Variants in TBCK observed in about 807,000 individuals in gnomAD.
TBCK encodes the protein TBC1 domain containing kinase.
In TBCK, 99 loss-of-function variants were observed where a neutral mutation model predicts 113.4. The ratio of observed to expected loss-of-function variants is 0.87; its 90% CI spans 0.74 to 1.03. TBCK has a LOEUF of 1.03. Ranked by LOEUF, TBCK falls within the 50% of genes least tolerant of loss-of-function variation. The probability of loss-of-function intolerance (pLI) is 0.00; values close to 1 mark genes in which losing one functional copy is unlikely to be tolerated. For synonymous variants in TBCK, 369 were observed against 370.8 expected (o/e 1.00, Z 0.05); for missense variants, 1,045 against 1,061.3 (o/e 0.98, Z 0.21).
chr4:106,219,565 C>G (rs1039010768), intron 19 of TBCK, among the ~76,000 whole-genome samples: 1 of 151,770 alleles, frequency 6.6e-6, no homozygotes, highest in Admixed American at 6.6e-5. Flanking sequence ...TTTCATTCTT[C>G]CAAAGTTACT....
At chr4:106,300,727 T>C (rs1766850478) in intron 2 of TBCK, among the ~76,000 whole-genome samples, 1 of 152,150 alleles carries the variant, frequency 6.6e-6, no homozygotes, top group East Asian at 1.9e-4. Context: ...ATGAGTAAAG[T>C]CTATAATCAG....
intron 23 of TBCK, among the ~76,000 whole-genome samples, chr4:106,132,068 T>C (rs1746007201): frequency 1.3e-5 from 2 of 152,098 alleles, no homozygotes; most frequent in Non-Finnish European, 1.5e-5. Flanking sequence ...GTTGGCAATG[T>C]GATAAAAGAA....
rs1767130105 is a variant in TBCK, at chr4:106,303,186, A to T, written c.193+5582T>A. On this transcript the variant is annotated intron_variant, in intron 2 of 25. Transcript: ENST00000394708. ...CTGACTGTGGGTCTCCTAATTGGTAAATATATGACATGGTGCAACACTAGG... is the reference window on the plus strand; with the variant it reads ...CTGACTGTGGGTCTCCTAATTGGTATATATATGACATGGTGCAACACTAGG... 2.0e-5 allele frequency among the ~76,000 whole-genome samples: 3 copies of T among 152,186 alleles called. No homozygotes were observed. In the South Asian group the frequency reaches 6.2e-4, roughly 31 times the overall value.
At chr4:106,075,073 C>G (rs1293595080) in intron 25 of TBCK, among the ~76,000 whole-genome samples, 1 of 152,068 alleles carries the variant, frequency 6.6e-6, no homozygotes, top group East Asian at 1.9e-4. Flanking sequence ...GAAAAGGTAT[C>G]CAGGACAACC....
intron 11 of TBCK, among the ~76,000 whole-genome samples, chr4:106,243,255 G>A (rs780290700): frequency 7.9e-5 from 12 of 152,016 alleles, no homozygotes; most frequent in Non-Finnish European, 1.8e-4. Flanking sequence ...CTTTGTTCAT[G>A]CAGTTTCAAT....
chr4:106,069,456 G>T (rs895841750), intron 25 of TBCK, among the ~76,000 whole-genome samples: 1 of 152,166 alleles, frequency 6.6e-6, no homozygotes, highest in African/African-American at 2.4e-5. Flanking sequence ...GAGGGTTGTA[G>T]ATGTGTGGTG....
At chr4:106,179,360 T>G (rs544524605) in intron 22 of TBCK, among the ~76,000 whole-genome samples, 2 of 152,192 alleles carry the variant, frequency 1.3e-5, no homozygotes, top group South Asian at 4.1e-4. Flanking sequence ...TCTACTTTTC[T>G]GATGCAGGTG....
At chr4:106,148,568 C>T (rs1270390853) in intron 23 of TBCK, among the ~76,000 whole-genome samples, 5 of 152,188 alleles carry the variant, frequency 3.3e-5, no homozygotes, top group Non-Finnish European at 5.9e-5. Flanking sequence ...TGATGAGGTG[C>T]ACTGTTATAA....
intron 3 of TBCK, among the ~76,000 whole-genome samples, chr4:106,267,796 A>G (rs1763124110): frequency 1.3e-5 from 2 of 151,956 alleles, no homozygotes; most frequent in Admixed American, 1.3e-4. Context: ...CCCTTTCCAG[A>G]TATATTTCAA....
In TBCK at chr4:106,168,323, T is replaced by C. The variant is rs185983060; in HGVS notation, c.2235+2772A>G. On this transcript the variant is annotated intron_variant, in intron 23 of 25. Transcript: ENST00000394708. ...TCATGATAAAAAATCTCTCAGCAAATTGGGAATAAAAGAGACCTTACTCAA... is the reference window on the plus strand; with the variant it reads ...TCATGATAAAAAATCTCTCAGCAAACTGGGAATAAAAGAGACCTTACTCAA... 5.3e-5 allele frequency among the ~76,000 whole-genome samples: 8 copies of C among 151,756 alleles called. No individual in the cohort carries two copies. The East Asian group carries it at 1.6e-3, about 29-fold the overall frequency.
At chr4:106,084,713 G>C (rs1429459769) in intron 25 of TBCK, among the ~76,000 whole-genome samples, 1 of 152,120 alleles carries the variant, frequency 6.6e-6, no homozygotes, top group Non-Finnish European at 1.5e-5. Context: ...ACCTACAAAG[G>C]GAAGCCCATC....
chr4:106,286,791 G>A (rs998439885), intron 3 of TBCK, among the ~76,000 whole-genome samples: 2 of 151,130 alleles, frequency 1.3e-5, no homozygotes, highest in African/African-American at 2.4e-5. Flanking sequence ...CACAGTAAGC[G>A]AGGTCAAGGC....
chr4:106,226,597 A>G (rs1171043028), intron 19 of TBCK, among the ~76,000 whole-genome samples: 1 of 152,214 alleles, frequency 6.6e-6, no homozygotes, highest in African/African-American at 2.4e-5. Context: ...AACTAACAGC[A>G]TTATATTGCT....
At chr4:106,173,011 A>G (rs1161531990) in intron 22 of TBCK, among the ~76,000 whole-genome samples, 1 of 152,180 alleles carries the variant, frequency 6.6e-6, no homozygotes, top group Non-Finnish European at 1.5e-5. Flanking sequence ...ATATGAAAAG[A>G]TAGTCTGATA....
chr4:106,048,827 T>A (rs1302769940), intron 25 of TBCK, among the ~76,000 whole-genome samples: 12 of 152,160 alleles, frequency 7.9e-5, no homozygotes, highest in East Asian at 1.9e-4. Flanking sequence ...TGTAAGGAAG[T>A]CCCTAACAAC....
intron 23 of TBCK, among the ~76,000 whole-genome samples, chr4:106,133,606 G>A (rs188167521): frequency 2.6e-4 from 40 of 152,280 alleles, no homozygotes; most frequent in African/African-American, 3.6e-4. Flanking sequence ...TGTTTCATTG[G>A]TAAGGCCTAC....
At chr4:106,248,845 G>T in intron 8 of TBCK, 76 bp downstream of exon 8, 2 of 1,192,712 alleles carry the variant, frequency 1.7e-6, no homozygotes, top group Non-Finnish European at 1.2e-6. Context: ...ATAAATTTTT[G>T]TCTTTATAAG....
At chr4:106,116,433 T>A in intron 23 of TBCK, 55 bp from the exon 24 acceptor site, 1 of 1,372,890 alleles carries the variant, frequency 7.3e-7, no homozygotes, top group Non-Finnish European at 1.0e-6. Context: ...AAAAACAAAT[T>A]ATCCCCAGTA....
intron 19 of TBCK, among the ~76,000 whole-genome samples, chr4:106,218,879 C>G (rs1440797436): frequency 6.8e-6 from 1 of 147,798 alleles, no homozygotes; most frequent in South Asian, 2.2e-4. Flanking sequence ...GGTATATACC[C>G]AAAGGACTAT....
Sources: allele counts gnomAD v4.1 joint callset (sites outside exome capture counted in the v4.1 genomes callset), GRCh38; gene constraint gnomAD v4.1.1; transcripts MANE v1.5; gene names NCBI Gene and HGNC (gene_info 2026-07-23, HGNC 2026-07-21).